PPP1R16B: variants seen among roughly 807,000 people sequenced by gnomAD.
The protein encoded by PPP1R16B is protein phosphatase 1 regulatory inhibitor subunit 16B.
PPP1R16B carries 14 observed loss-of-function variants against 61.7 expected under a neutral mutation model. That is an observed-to-expected ratio of 0.23 (90% CI 0.15 to 0.35). The LOEUF (loss-of-function observed/expected upper bound fraction) is 0.35, where lower values mean the gene tolerates loss of function less well. Ranked by LOEUF, PPP1R16B falls within the 10% of genes least tolerant of loss-of-function variation. The pLI is 1.00. For synonymous variants in PPP1R16B, 266 were observed against 305.3 expected, an observed-to-expected ratio of 0.87 and a Z score of 1.34; for missense variants, 547 against 752.5, an observed-to-expected ratio of 0.73 and a Z score of 3.19.
At chr20:38,881,228 G>A (rs569651791) in intron 2 of PPP1R16B, among the ~76,000 whole-genome samples, 19 of 152,346 alleles carry the variant, frequency 1.2e-4, no homozygotes, top group African/African-American at 3.1e-4. Context: ...CCAGGCAGCC[G>A]GGCTTCCCTG....
intron 10 of PPP1R16B, among the ~76,000 whole-genome samples, chr20:38,913,965 G>C (rs566236087): frequency 1.3e-5 from 2 of 152,310 alleles, no homozygotes; most frequent in East Asian, 3.9e-4. Flanking sequence ...GCCCAGGCAG[G>C]CGGATCATCT....
chr20:38,847,933 A>T (rs977808288), intron 2 of PPP1R16B, among the ~76,000 whole-genome samples: 3 of 152,016 alleles, frequency 2.0e-5, no homozygotes, highest in Non-Finnish European at 4.4e-5. Flanking sequence ...TTCTTTTTTT[A>T]AAATCATTTT....
At chr20:38,848,806 T>C (rs2084950263) in intron 2 of PPP1R16B, among the ~76,000 whole-genome samples, 1 of 152,040 alleles carries the variant, frequency 6.6e-6, no homozygotes, top group Non-Finnish European at 1.5e-5. Flanking sequence ...TGGGTCCCTA[T>C]TGGAGGGTGG....
chr20:38,827,233 G>A (rs560382679), intron 1 of PPP1R16B, among the ~76,000 whole-genome samples: 6 of 152,170 alleles, frequency 3.9e-5, no homozygotes, highest in African/African-American at 4.8e-5. Flanking sequence ...GAACAAAGCC[G>A]ATCCTTTTTT....
At chr20:38,829,825 G>A (rs765892758) in intron 1 of PPP1R16B, among the ~76,000 whole-genome samples, 69 of 152,204 alleles carry the variant, frequency 4.5e-4, no homozygotes, top group Admixed American at 9.2e-4. Flanking sequence ...GGAGGTGTGC[G>A]GGTCTATTGG....
intron 7 of PPP1R16B, 81 bp from the exon 8 acceptor site, chr20:38,906,898 G>A: frequency 1.7e-6 from 2 of 1,178,298 alleles, no homozygotes; most frequent in Admixed American, 1.8e-5. Context: ...CACATCCTAA[G>A]AGGCCTTGGG....
intron 2 of PPP1R16B, among the ~76,000 whole-genome samples, chr20:38,874,686 G>A (rs1241737431): frequency 6.6e-6 from 1 of 152,188 alleles, no homozygotes; most frequent in East Asian, 1.9e-4. Flanking sequence ...GCTGGCAGAA[G>A]AGGAAACAGG....
At chr20:38,890,438 T>A (rs1349665108) in intron 3 of PPP1R16B, among the ~76,000 whole-genome samples, 2 of 152,218 alleles carry the variant, frequency 1.3e-5, no homozygotes, top group African/African-American at 4.8e-5. Context: ...CAGGTCCTTG[T>A]ACCCAGTGGG....
At chr20:38,893,844 C>A (rs79102763) in intron 3 of PPP1R16B, among the ~76,000 whole-genome samples, 1 of 152,130 alleles carries the variant, frequency 6.6e-6, no homozygotes, top group African/African-American at 2.4e-5. Context: ...CACTCCACCC[C>A]CTATGTTTCC....
chr20:38,906,724 C>G (rs1233968394), intron 7 of PPP1R16B, among the ~76,000 whole-genome samples: 2 of 152,184 alleles, frequency 1.3e-5, no homozygotes, highest in African/African-American at 4.8e-5. Flanking sequence ...CCTTAGATAC[C>G]TGCCAGCTCT....
At chr20:38,902,054 C>G (rs1329115105) in intron 5 of PPP1R16B, among the ~76,000 whole-genome samples, 2 of 152,194 alleles carry the variant, frequency 1.3e-5, no homozygotes, top group African/African-American at 4.8e-5. Context: ...TTTTACGGAG[C>G]ATGTCATCCT....
chr20:38,855,907 C>CATATATATATATATATATATATATAT (rs371138532), intron 2 of PPP1R16B, among the ~76,000 whole-genome samples: 1 of 17,790 alleles, frequency 5.6e-5, no homozygotes, highest in African/African-American at 2.8e-4. Context: ...CAGTTTCCTA[C>CATATATATATATATATATATATATAT]ATATATATAT....
intron 2 of PPP1R16B, among the ~76,000 whole-genome samples, chr20:38,846,552 T>C (rs1455464448): frequency 6.6e-6 from 1 of 152,232 alleles, no homozygotes; most frequent in African/African-American, 2.4e-5. Flanking sequence ...GTCTTATCTT[T>C]ATATACTCTT....
rs1198330170 is a variant in PPP1R16B, at chr20:38,835,943, C to T, written c.18C>T (p.Asp6=). 4 of 1,542,562 alleles carry T rather than the reference C, an allele frequency of 2.6e-6. No individual in the cohort carries two copies. Among genetic ancestry groups the T allele is most frequent in the Non-Finnish European group, 2.6e-6 (3 of 1,145,750 alleles). ...CGGTGGCCATGGCCAGTCACGTGGA[C>T]CTGCTGACGGAGCTGCAGCTGCTGG... The part of the protein sequence containing the change: MASHV[D]LLTELQLLEK... The change falls in exon 2 of 11, where the codon GAC becomes GAT. Residue 6 remains aspartate (D), a synonymous_variant. Coordinates refer to ENST00000299824, the MANE Select transcript of PPP1R16B (RefSeq NM_015568.4).
At chr20:38,855,370 C>A (rs951523455) in intron 2 of PPP1R16B, among the ~76,000 whole-genome samples, 3,012 of 149,462 alleles carry the variant, frequency 0.02, 42 homozygotes, top group Non-Finnish European at 0.025. Flanking sequence ...AAAAAAAAAA[C>A]AAAACCCTAG....
At position 38,901,252 on chromosome 20, in the gene PPP1R16B, C is replaced by T. The variant is rs146864152; in HGVS notation, c.571+568C>T. On this transcript the variant is annotated intron_variant, in intron 5 of 10. Transcript: ENST00000299824. ...ATCCCCAGATCCTCAGCTGCAGCTG[C>T]AGTCCTGCCCTGGCCCTGCCCTTGT... Among the ~76,000 whole-genome samples, 669 of 152,316 alleles carry T rather than the reference C, an allele frequency of 4.4e-3. 4 individuals carry two copies. The highest frequency in any genetic ancestry group is 0.016 in the African/African-American group (646 of 41,570).
Position 38,884,803 on chromosome 20 carries a change from G to A in PPP1R16B, c.251-4792G>A, listed in dbSNP as rs1372929779. On this transcript the variant is annotated intron_variant, in intron 2 of 10. Coordinates refer to ENST00000299824, the MANE Select transcript of PPP1R16B (RefSeq NM_015568.4). ...AAAGAAGGCGGCGGACAGGCACAGC[G>A]GCTCACACCTGTAATCCCAGGATTT... Among the ~76,000 whole-genome samples the A allele has an allele frequency of 5.3e-5, 8 of 151,810 alleles. No homozygotes were observed. In the South Asian group the frequency reaches 1.2e-3, roughly 24 times the overall value.
At chr20:38,817,367 G>A (rs199993676) in intron 1 of PPP1R16B, among the ~76,000 whole-genome samples, 9 of 151,718 alleles carry the variant, frequency 5.9e-5, no homozygotes, top group East Asian at 1.9e-4. Flanking sequence ...GTTCAAGACC[G>A]GCCTAGCCAA....
chr20:38,824,365 G>A (rs776602581), intron 1 of PPP1R16B, among the ~76,000 whole-genome samples: 2 of 152,192 alleles, frequency 1.3e-5, no homozygotes, highest in African/African-American at 2.4e-5. Context: ...TGGCCAAAAT[G>A]TCCCCATCTC....
Sources: gnomAD v4.1 joint callset for allele counts (sites outside exome capture counted in the v4.1 genomes callset) on GRCh38, gnomAD v4.1.1 for gene constraint, MANE v1.5 for transcripts, NCBI Gene and HGNC (gene_info 2026-07-23, HGNC 2026-07-21) for gene names.